ATP6V0A4: variants seen among roughly 807,000 people sequenced by gnomAD.
ATP6V0A4 encodes the protein ATPase H+ transporting V0 subunit a4.
In ATP6V0A4, 86 loss-of-function variants were observed where a neutral mutation model predicts 107.3. The ratio of observed to expected loss-of-function variants is 0.80; its 90% CI spans 0.67 to 0.96. The LOEUF (loss-of-function observed/expected upper bound fraction) is 0.96. ATP6V0A4 is among the 40% of genes least tolerant of loss of function. The pLI is 0.00. For missense variants in ATP6V0A4, 908 were observed against 1,045.6 expected, an observed-to-expected ratio of 0.87 and a Z score of 1.81; for synonymous variants, 353 against 381.4, an observed-to-expected ratio of 0.93 and a Z score of 0.87.
In ATP6V0A4 at chr7:138,774,924, C is replaced by T. The variant is rs146916282; in HGVS notation, c.-17-3660G>A. ...AAGCATATGTGATATGTGCCCTTTT[C>T]CTTTGGAGGGGTCTTGTCTTTTCCT... On this transcript the variant is annotated intron_variant, in intron 2 of 21. Transcript: ENST00000310018. Among the ~76,000 whole-genome samples the T allele has an allele frequency of 6.0e-3, 910 of 152,102 alleles. 8 individuals are homozygous for T. Among genetic ancestry groups the T allele is most frequent in the Middle Eastern group, 0.017 (5 of 292 alleles).
chr7:138,734,006 GC>G (rs1445996850), intron 16 of ATP6V0A4, 129 bp downstream of exon 16: 7 of 1,035,482 alleles, frequency 6.8e-6, no homozygotes, highest in Non-Finnish European at 1.0e-5. Context: ...AAGCCCAGAT[GC>G]CCAGGGAAGT....
intron 1 of ATP6V0A4, among the ~76,000 whole-genome samples, chr7:138,793,453 G>T (rs180771916): frequency 6.6e-6 from 1 of 152,204 alleles, no homozygotes; most frequent in Admixed American, 6.5e-5. Flanking sequence ...AAAGAAACCC[G>T]CAATCATCTC....
chr7:138,706,362 A>T lies in ATP6V0A4; in HGVS notation c.*262T>A. 1 of 491,560 alleles carries T rather than the reference A, an allele frequency of 2.0e-6. No individual in the cohort carries two copies. The allele number at this position is 491,560 out of a possible 1,614,324, so 30.4% of individuals were successfully genotyped here. A position where few individuals can be genotyped will look rare whatever the true frequency, so the allele number is the denominator to read the frequency against. The stretch of plus-strand genomic sequence containing the variant: ...TATTGCAAGAAGACATCTGTTTAGC[A>T]TTCTCCCCTCATTTGTCAATTACTT... On this transcript the variant is annotated 3_prime_UTR_variant, in exon 22 of 22. Transcript: ENST00000310018.
In ATP6V0A4 at chr7:138,734,214, G is replaced by A. The variant is rs771776708; in HGVS notation, c.1613C>T (p.Ser538Leu). 7.4e-6 allele frequency: 12 copies of A among 1,613,608 alleles called. No individual in the cohort carries two copies. The highest frequency in any genetic ancestry group is 1.7e-5 in the Admixed American group (1 of 60,018). Reference protein sequence around the residue: ...LASNKLTFLNSYKMKMSVILG... With the variant: ...LASNKLTFLNLYKMKMSVILG... Reference sequence around the variant, plus strand: ...GATCACCGACATCTTCATTTTATACGAGTTCAGAAATGTGAGTTTGTTTGA... The same window carrying A: ...GATCACCGACATCTTCATTTTATACAAGTTCAGAAATGTGAGTTTGTTTGA... Residue 538 changes from serine (S) to leucine (L), a missense_variant, in exon 16 of 22, where the codon TCG (serine) becomes TTG (leucine). Ser to Leu is a moderately radical substitution (Grantham distance 145). Transcript: ENST00000310018.
intron 19 of ATP6V0A4, among the ~76,000 whole-genome samples, chr7:138,718,230 GCGCGCAGT>G (rs1562980380): frequency 1.8e-3 from 36 of 20,006 alleles, no homozygotes; most frequent in African/African-American, 2.3e-3. Context: ...GTGTGTGTGT[GCGCGCAGT>G]TATGGATGTC....
At chr7:138,770,413 C>T (rs907581380) in intron 3 of ATP6V0A4, among the ~76,000 whole-genome samples, 4 of 152,154 alleles carry the variant, frequency 2.6e-5, no homozygotes, top group Non-Finnish European at 5.9e-5. Context: ...CTCCATGTAA[C>T]GTATCACAGT....
intron 14 of ATP6V0A4, among the ~76,000 whole-genome samples, chr7:138,743,917 C>G (rs1322196387): frequency 6.6e-6 from 1 of 152,170 alleles, no homozygotes; most frequent in East Asian, 1.9e-4. Flanking sequence ...ACTTCACAGT[C>G]CCCTCTCCTC....
chr7:138,707,257 A>ATAT (rs1411124381), intron 21 of ATP6V0A4, among the ~76,000 whole-genome samples: 7 of 82,282 alleles, frequency 8.5e-5, no homozygotes, highest in African/African-American at 3.7e-4. Flanking sequence ...TATATAGAAT[A>ATAT]TATATTATAT....
At chr7:138,721,444 C>T (rs1804416695) in intron 19 of ATP6V0A4, among the ~76,000 whole-genome samples, 1 of 152,094 alleles carries the variant, frequency 6.6e-6, no homozygotes, top group Non-Finnish European at 1.5e-5. Flanking sequence ...GAGGCTGAGG[C>T]AGGAGAATCA....
At chr7:138,776,736 C>T (rs1043250403) in intron 2 of ATP6V0A4, among the ~76,000 whole-genome samples, 2 of 152,200 alleles carry the variant, frequency 1.3e-5, no homozygotes, top group African/African-American at 2.4e-5. Flanking sequence ...AGGCTCCAGC[C>T]CAACTACTGG....
intron 18 of ATP6V0A4, among the ~76,000 whole-genome samples, chr7:138,726,147 G>C (rs1345138155): frequency 6.6e-6 from 1 of 151,930 alleles, no homozygotes; most frequent in Admixed American, 6.6e-5. Context: ...CCGCCACCAC[G>C]CCCGGCTAAT....
At chr7:138,723,523 CTTTTTTTTTT>C (rs10528520) in intron 18 of ATP6V0A4, among the ~76,000 whole-genome samples, 6 of 128,180 alleles carry the variant, frequency 4.7e-5, no homozygotes, top group South Asian at 2.4e-4. Context: ...TCTTTCTTTT[CTTTTTTTTTT>C]TTTTTTTTTT....
chr7:138,736,304 A>G (rs2117248293), intron 15 of ATP6V0A4, among the ~76,000 whole-genome samples: 1 of 152,322 alleles, frequency 6.6e-6, no homozygotes, highest in East Asian at 1.9e-4. Flanking sequence ...CCAAGTACAT[A>G]CTAAGCAATT....
intron 16 of ATP6V0A4, 109 bp downstream of exon 16, chr7:138,734,027 A>C: frequency 7.7e-7 from 1 of 1,302,186 alleles, no homozygotes; most frequent in Non-Finnish European, 1.1e-6. Flanking sequence ...TACCCCTCAT[A>C]GGAAGAAAAC....
rs1805184831 is a variant in ATP6V0A4, at chr7:138,734,175, T to A, written c.1652A>T (p.Gln551Leu). ...GCTGAGGATGACACCGAAAACCATC[T>A]GGACAATTCCCAGGATCACCGACAT... ...MKMSVILGIV[Q>L]MVFGVILSLF... Residue 551 changes from glutamine to leucine, a missense_variant, in exon 16 of 22, where the codon CAG becomes CTG. Physicochemically the swap from Gln to Leu is moderately radical, Grantham distance 113. Transcript: ENST00000310018. 2.5e-6 allele frequency: 4 copies of A among 1,613,828 alleles called. No individual in the cohort carries two copies. Among genetic ancestry groups the A allele is most frequent in the Non-Finnish European group, 2.5e-6 (3 of 1,179,774 alleles).
At chr7:138,749,085 C>T in intron 12 of ATP6V0A4, 82 bp downstream of exon 12, 3 of 1,554,062 alleles carry the variant, frequency 1.9e-6, no homozygotes, top group Non-Finnish European at 2.7e-6. Flanking sequence ...TTAACAAGTT[C>T]ACCACCTCGG....
At chr7:138,746,629 G>A (rs370388976) in intron 13 of ATP6V0A4, among the ~76,000 whole-genome samples, 7 of 151,798 alleles carry the variant, frequency 4.6e-5, no homozygotes, top group African/African-American at 2.4e-5. Context: ...TCAGCCTCCC[G>A]AGTAGCTGGG....
intron 8 of ATP6V0A4, among the ~76,000 whole-genome samples, chr7:138,757,648 C>T (rs906050246): frequency 1.3e-5 from 2 of 152,186 alleles, no homozygotes; most frequent in Non-Finnish European, 1.5e-5. Flanking sequence ...CGGGACCTAT[C>T]GGGTGTCATT....
chr7:138,719,795 G>C (rs186837617), intron 19 of ATP6V0A4, among the ~76,000 whole-genome samples: 1 of 152,166 alleles, frequency 6.6e-6, no homozygotes, highest in Non-Finnish European at 1.5e-5. Context: ...CGAGGTAGGC[G>C]GATCACCTGA....
Sources: allele counts gnomAD v4.1 joint callset (sites outside exome capture counted in the v4.1 genomes callset), GRCh38; gene constraint gnomAD v4.1.1; transcripts MANE v1.5; gene names NCBI Gene and HGNC (gene_info 2026-07-23, HGNC 2026-07-21).